The following STAG1 variants were observed in gnomAD, a reference collection of about 807,000 sequenced individuals.
STAG1 encodes the protein STAG1 cohesin complex component.
In STAG1, 26 loss-of-function variants were observed where a neutral mutation model predicts 170.9. The observed-to-expected ratio is 0.15, with a 90% CI of 0.11 to 0.21. The LOEUF is 0.21. Among genes scored for constraint, STAG1 ranks in the 10% least tolerant of loss-of-function variants. The probability of loss-of-function intolerance (pLI) is 1.00; values close to 1 mark genes in which losing one functional copy is unlikely to be tolerated. For missense variants in STAG1, 964 were observed against 1,509.5 expected (o/e 0.64, Z 5.99); for synonymous variants, 514 against 497.7 (o/e 1.03, Z -0.44).
At chr3:136,700,676 T>A (rs978004130) in intron 1 of STAG1, among the ~76,000 whole-genome samples, 3 of 151,848 alleles carry the variant, frequency 2.0e-5, no homozygotes. Context: ...CACCTTGGCC[T>A]CCCAAAGTGC....
At chr3:136,463,786 C>CAT (rs1467127855) in intron 13 of STAG1, among the ~76,000 whole-genome samples, 79 of 132,590 alleles carry the variant, frequency 6.0e-4, no homozygotes, top group African/African-American at 1.9e-3. Flanking sequence ...CACACACACA[C>CAT]ACACATATAC....
At chr3:136,712,883 G>A (rs1434419594) in intron 1 of STAG1, among the ~76,000 whole-genome samples, 4 of 152,170 alleles carry the variant, frequency 2.6e-5, no homozygotes, top group African/African-American at 9.7e-5. Flanking sequence ...CTGAGGTCAG[G>A]AGTTTGAGAC....
chr3:136,575,863 A>G (rs1470171987), intron 4 of STAG1, among the ~76,000 whole-genome samples: 1 of 152,196 alleles, frequency 6.6e-6, no homozygotes, highest in Admixed American at 6.5e-5. Context: ...CCATATATGA[A>G]TGCAATGGAA....
At chr3:136,583,529 C>A (rs1366079516) in intron 4 of STAG1, among the ~76,000 whole-genome samples, 1 of 152,156 alleles carries the variant, frequency 6.6e-6, no homozygotes, top group Non-Finnish European at 1.5e-5. Context: ...TAGCTCATGC[C>A]TGTAATCCTA....
intron 21 of STAG1, among the ~76,000 whole-genome samples, chr3:136,414,312 A>T (rs2087712221): frequency 1.3e-5 from 2 of 152,244 alleles, no homozygotes; most frequent in Admixed American, 1.3e-4. Flanking sequence ...TGCTTTATCA[A>T]CTAAGTTTAT....
intron 6 of STAG1, among the ~76,000 whole-genome samples, chr3:136,541,052 G>A (rs1466311754): frequency 6.6e-6 from 1 of 151,760 alleles, no homozygotes; most frequent in African/African-American, 2.4e-5. Context: ...TAGTTCCCAA[G>A]CTTTGGTATA....
chr3:136,344,988 G>C (rs1279170670), intron 29 of STAG1, among the ~76,000 whole-genome samples: 1 of 152,080 alleles, frequency 6.6e-6, no homozygotes, highest in East Asian at 1.9e-4. Flanking sequence ...TACTGCATTA[G>C]CAGGTTACGT....
chr3:136,389,839 T>C (rs1326238003), intron 22 of STAG1, among the ~76,000 whole-genome samples: 1 of 146,300 alleles, frequency 6.8e-6, no homozygotes, highest in Non-Finnish European at 1.5e-5. Context: ...TTTTTTTTCT[T>C]TTTTTTTTTT....
intron 7 of STAG1, among the ~76,000 whole-genome samples, chr3:136,509,553 T>C (rs1026851303): frequency 6.6e-6 from 1 of 151,980 alleles, no homozygotes; most frequent in African/African-American, 2.4e-5. Context: ...TGAAGGAAGA[T>C]GTAATTATAA....
intron 13 of STAG1, 49 bp downstream of exon 13, chr3:136,464,832 G>GAAA: frequency 6.7e-7 from 1 of 1,484,726 alleles, no homozygotes; most frequent in South Asian, 1.2e-5. Context: ...AAAACAACAA[G>GAAA]AAAACAACAT....
chr3:136,398,637 A>C (rs1479251180), intron 22 of STAG1, 112 bp downstream of exon 22: 2 of 421,250 alleles, frequency 4.7e-6, no homozygotes, highest in Non-Finnish European at 7.4e-6. Context: ...TATTTTATTA[A>C]ATATTACAAT....
intron 1 of STAG1, among the ~76,000 whole-genome samples, chr3:136,693,228 A>G (rs1038637408): frequency 6.6e-6 from 1 of 152,212 alleles, no homozygotes; most frequent in African/African-American, 2.4e-5. Context: ...AAAGGTTGTC[A>G]ATGGTTTATT....
At chr3:136,739,652 T>C (rs918983525) in intron 1 of STAG1, among the ~76,000 whole-genome samples, 8 of 151,164 alleles carry the variant, frequency 5.3e-5, no homozygotes, top group Admixed American at 4.0e-4. Flanking sequence ...AAACCCCATC[T>C]CTACTAAAAA....
intron 12 of STAG1, among the ~76,000 whole-genome samples, chr3:136,466,089 A>C (rs1411466464): frequency 6.6e-6 from 1 of 152,242 alleles, no homozygotes; most frequent in African/African-American, 2.4e-5. Context: ...TCTAAAAATC[A>C]GATCGCCTCT....
chr3:136,486,936 G>C (rs913379713), intron 9 of STAG1, among the ~76,000 whole-genome samples: 4 of 128,626 alleles, frequency 3.1e-5, no homozygotes, highest in African/African-American at 1.2e-4. Flanking sequence ...CTAGACTACT[G>C]AACAGCTTAT....
At chr3:136,602,765 C>G (rs1000812560) in intron 4 of STAG1, among the ~76,000 whole-genome samples, 3 of 151,870 alleles carry the variant, frequency 2.0e-5, no homozygotes, top group Non-Finnish European at 2.9e-5. Context: ...GCACAAGAAT[C>G]CCTTGAACCC....
At chr3:136,747,093 T>TTAAAAAAA (rs1246647616) in intron 1 of STAG1, among the ~76,000 whole-genome samples, 5 of 59,324 alleles carry the variant, frequency 8.4e-5, no homozygotes, top group African/African-American at 4.1e-4. Flanking sequence ...TGAAACTGTC[T>TTAAAAAAA]AAAAAAAAAA....
chr3:136,692,845 G>GAGCCA (rs1942771822), intron 1 of STAG1, among the ~76,000 whole-genome samples: 1 of 152,130 alleles, frequency 6.6e-6, no homozygotes, highest in Non-Finnish European at 1.5e-5. Flanking sequence ...TGGCTCAACA[G>GAGCCA]ATATTAGGCA....
intron 1 of STAG1, among the ~76,000 whole-genome samples, chr3:136,699,215 T>G (rs1198424979): frequency 1.1e-4 from 17 of 152,148 alleles, no homozygotes; most frequent in Admixed American, 1.1e-3. Context: ...CCAAAACTAT[T>G]GAAATAAAAA....
Sources: allele counts gnomAD v4.1 joint callset (sites outside exome capture counted in the v4.1 genomes callset), GRCh38; gene constraint gnomAD v4.1.1; transcripts MANE v1.5; gene names NCBI Gene and HGNC (gene_info 2026-07-23, HGNC 2026-07-21).